The following DAB1 variants were observed in gnomAD, a reference collection of about 807,000 sequenced individuals.
DAB1 encodes DAB adaptor protein 1.
In DAB1, 15 loss-of-function variants were observed where a neutral mutation model predicts 64.6. The observed-to-expected ratio is 0.23, with a 90% CI of 0.16 to 0.36. The LOEUF (loss-of-function observed/expected upper bound fraction) is 0.36. DAB1 is among the 10% of genes least tolerant of loss of function. DAB1 has a pLI of 1.00. For missense variants in DAB1, 596 were observed against 706.7 expected, an observed-to-expected ratio of 0.84 and a Z score of 1.78; for synonymous variants, 235 against 251.9, an observed-to-expected ratio of 0.93 and a Z score of 0.64.
At chr1:57,223,328 G>A (rs991268094) in intron 2 of DAB1, among the ~76,000 whole-genome samples, 1 of 152,178 alleles carries the variant, frequency 6.6e-6, no homozygotes, top group South Asian at 2.1e-4. Flanking sequence ...GGTGCTTTGT[G>A]TGGCAATGGG....
intron 4 of DAB1, among the ~76,000 whole-genome samples, chr1:58,288,744 G>T (rs566965016): frequency 6.6e-6 from 1 of 152,238 alleles, no homozygotes; most frequent in East Asian, 1.9e-4. Context: ...CCATTTAAAA[G>T]ACCCATTGCA....
rs146281279 is a variant in DAB1 at position 57,069,401 on chromosome 1, C to T, written c.622G>A (p.Glu208Lys). 3.5e-5 allele frequency: 56 copies of T among 1,613,310 alleles called. No homozygotes were observed. The highest frequency in any genetic ancestry group is 4.7e-5 in the Non-Finnish European group (55 of 1,179,544). Residue 208 changes from glutamate (E) to lysine (K), a missense_variant, in exon 8 of 15, where the codon GAG (glutamate) becomes AAG (lysine). By Grantham distance (56) the Glu-to-Lys change is moderately conservative. Around this residue, in one of 3 missense-constraint regions of DAB1, gnomAD observed 176 missense variants for 266.7 expected, o/e 0.66. Transcript: ENST00000371236. ...TCCGTTTCGGGATCACGGATTGGCTCGTGTCCAGCCTCAAACACAATGTAC... is the reference window on the plus strand; with the variant it reads ...TCCGTTTCGGGATCACGGATTGGCTTGTGTCCAGCCTCAAACACAATGTAC... ...YQYIVFEAGH[E>K]PIRDPETEEN...
Position 57,907,922 on chromosome 1 carries a change from TACAC to T in DAB1, n.388-23764_388-23761del, listed in dbSNP as rs372543898. Among the ~76,000 whole-genome samples, 1,580 of 145,470 alleles carry T rather than the reference TACAC, an allele frequency of 0.011. 56 individuals carry two copies. In the East Asian group the frequency reaches 0.12, roughly 11 times the overall value. On this transcript the variant is annotated intron_variant and non_coding_transcript_variant, in intron 5 of 20. Coordinates refer to the DAB1 transcript ENST00000485760. Reference sequence around the variant, plus strand: ...TTGTTATATATATATAATATATATATACACACACACACACACACACACATATATA... The same window carrying T: ...TTGTTATATATATATAATATATATATACACACACACACACACACATATATA...
intron 3 of DAB1, among the ~76,000 whole-genome samples, chr1:58,472,464 G>C (rs1220860799): frequency 1.3e-5 from 2 of 152,200 alleles, no homozygotes; most frequent in African/African-American, 4.8e-5. Flanking sequence ...GAAACAGCCT[G>C]AATCAACCTC....
At chr1:57,471,550 T>C (rs1224316025) in intron 7 of DAB1, among the ~76,000 whole-genome samples, 4 of 152,174 alleles carry the variant, frequency 2.6e-5, no homozygotes, top group Middle Eastern at 3.2e-3. Flanking sequence ...AATTGAATCA[T>C]GGGGACAGGT....
At chr1:57,023,163 A>C (rs1441573955) in intron 11 of DAB1, among the ~76,000 whole-genome samples, 1 of 152,220 alleles carries the variant, frequency 6.6e-6, no homozygotes, top group Non-Finnish European at 1.5e-5. Flanking sequence ...CAAGAAGTCT[A>C]TAGAAAGCTG....
At chr1:57,207,665 T>C (rs57562314) in intron 2 of DAB1, among the ~76,000 whole-genome samples, 20,035 of 150,110 alleles carry the variant, frequency 0.13, 1,679 homozygotes, top group Admixed American at 0.25. Context: ...GGGATGGTCT[T>C]GATCTCCTGA....
intron 1 of DAB1, among the ~76,000 whole-genome samples, chr1:57,410,076 C>G (rs1683987017): frequency 6.6e-6 from 1 of 151,734 alleles, no homozygotes; most frequent in Non-Finnish European, 1.5e-5. Context: ...TTTGATAAAA[C>G]TGGAGGGTAA....
At chr1:57,603,127 C>A (rs1645595137) in intron 7 of DAB1, among the ~76,000 whole-genome samples, 1 of 152,144 alleles carries the variant, frequency 6.6e-6, no homozygotes, top group Non-Finnish European at 1.5e-5. Flanking sequence ...CATGCACCAC[C>A]ACGCCTGGTT....
intron 3 of DAB1, among the ~76,000 whole-genome samples, chr1:58,490,442 T>C (rs543662665): frequency 6.6e-6 from 1 of 152,050 alleles, no homozygotes; most frequent in African/African-American, 2.4e-5. Context: ...TGGGACTATG[T>C]GAAAAGACCA....
chr1:58,334,322 C>G (rs562701650), intron 4 of DAB1, among the ~76,000 whole-genome samples: 241 of 152,198 alleles, frequency 1.6e-3, no homozygotes, highest in Middle Eastern at 3.4e-3. Flanking sequence ...TGAGCTGAAT[C>G]CAGCCCAACT....
chr1:57,538,812 C>T (rs1357782), intron 7 of DAB1, among the ~76,000 whole-genome samples: 35,306 of 152,050 alleles, frequency 0.23, 4,319 homozygotes, highest in South Asian at 0.4. Flanking sequence ...GTTCTATATT[C>T]ATTACCATTA....
chr1:57,481,870 TTTG>T (rs1032814444), intron 7 of DAB1, among the ~76,000 whole-genome samples: 1 of 151,980 alleles, frequency 6.6e-6, no homozygotes, highest in African/African-American at 2.4e-5. Context: ...TGTTAAAATA[TTTG>T]TTGAGTGAAT....
intron 6 of DAB1, among the ~76,000 whole-genome samples, chr1:57,685,022 G>A (rs898744048): frequency 2.0e-5 from 3 of 151,300 alleles, no homozygotes; most frequent in East Asian, 1.9e-4. Flanking sequence ...GCATGATCTC[G>A]GCTTACTGCA....
At chr1:57,716,542 G>C (rs1333294085) in intron 6 of DAB1, among the ~76,000 whole-genome samples, 2 of 152,146 alleles carry the variant, frequency 1.3e-5, no homozygotes, top group Non-Finnish European at 2.9e-5. Context: ...ACATGCAGAA[G>C]AAAGAAAACC....
chr1:57,259,393 T>A (rs1044964123), intron 2 of DAB1, among the ~76,000 whole-genome samples: 1 of 152,142 alleles, frequency 6.6e-6, no homozygotes, highest in African/African-American at 2.4e-5. Flanking sequence ...GTTCTGTAAT[T>A]CAGATTGGCT....
upstream of DAB1, among the ~76,000 whole-genome samples, chr1:57,427,571 G>A (rs1291980462): frequency 6.9e-6 from 1 of 145,332 alleles, no homozygotes; most frequent in South Asian, 2.4e-4. Flanking sequence ...CAAAGAAAGG[G>A]AAGCAAAGAA....
At chr1:57,942,718 C>T (rs1645122714) in intron 5 of DAB1, among the ~76,000 whole-genome samples, 1 of 152,142 alleles carries the variant, frequency 6.6e-6, no homozygotes, top group Non-Finnish European at 1.5e-5. Context: ...TAGGGAATAG[C>T]TGAGCAACGA....
chr1:58,242,108 T>C (rs575569529), intron 4 of DAB1, among the ~76,000 whole-genome samples: 27 of 152,228 alleles, frequency 1.8e-4, no homozygotes, highest in African/African-American at 6.3e-4. Context: ...ATGGTATACT[T>C]GTTCCATTAA....
Sources: gnomAD v4.1 joint callset for allele counts (sites outside exome capture counted in the v4.1 genomes callset) on GRCh38, gnomAD v4.1.1 for gene constraint, gnomAD v4.1.1 regional missense constraint, MANE v1.5 for transcripts, NCBI Gene and HGNC (gene_info 2026-07-23, HGNC 2026-07-21) for gene names.